The following PCCB variants were observed in gnomAD, a reference collection of about 807,000 sequenced individuals.
The protein encoded by PCCB is propionyl-CoA carboxylase beta chain, mitochondrial.
In PCCB, 43 loss-of-function variants were observed where a neutral mutation model predicts 60.7. The ratio of observed to expected loss-of-function variants is 0.71; its 90% CI spans 0.55 to 0.91. The LOEUF (loss-of-function observed/expected upper bound fraction) is 0.91, where lower values mean the gene tolerates loss of function less well. PCCB is among the 40% of genes least tolerant of loss of function. PCCB has a pLI of 0.00. For synonymous variants in PCCB, 276 were observed against 255.9 expected, an observed-to-expected ratio of 1.08 and a Z score of -0.75; for missense variants, 766 against 702.8, an observed-to-expected ratio of 1.09 and a Z score of -1.02.
intron 1 of PCCB, among the ~76,000 whole-genome samples, chr3:136,253,847 C>G (rs1941593658): frequency 6.6e-6 from 1 of 151,810 alleles, no homozygotes; most frequent in African/African-American, 2.4e-5. Flanking sequence ...CAGAGTCTCG[C>G]TTTGTTGCCC....
rs1025900413 is a variant in PCCB at position 136,271,129 on chromosome 3, T to C, written c.543+9064T>C. On this transcript the variant is annotated intron_variant, in intron 5 of 14. Transcript: ENST00000251654. ...CTGTGCAGAAGCTTTTTAGTTTAAT[T>C]AGGTCCCATTTATTTTTGTTTTTGT... 5.9e-4 allele frequency among the ~76,000 whole-genome samples: 90 copies of C among 152,146 alleles called. 1 individual carries two copies. The highest frequency in any genetic ancestry group is 2.2e-3 in the African/African-American group (90 of 41,440).
intron 10 of PCCB, among the ~76,000 whole-genome samples, chr3:136,325,356 C>T (rs910404199): frequency 4.0e-5 from 6 of 151,304 alleles, no homozygotes; most frequent in Admixed American, 2.0e-4. Flanking sequence ...TATTTATTTC[C>T]TTTCCTTTCC....
intron 5 of PCCB, among the ~76,000 whole-genome samples, chr3:136,273,911 C>CAAAAA (rs34690853): frequency 9.4e-4 from 52 of 55,462 alleles, no homozygotes; most frequent in Non-Finnish European, 1.2e-3. Flanking sequence ...GACTCTGTCT[C>CAAAAA]AAAAAAAAAA....
chr3:136,270,505 A>T lies in PCCB; in HGVS notation c.543+8440A>T, dbSNP rs556803198. On this transcript the variant is annotated intron_variant, in intron 5 of 14. Transcript: ENST00000251654. ...CCGGCCACATCTGTTGTTTTTTGAC[A>T]TTTTTTTTTTTCCCGCTGTAGGCAG... 3.4e-3 allele frequency among the ~76,000 whole-genome samples: 509 copies of T among 147,602 alleles called. 2 individuals are homozygous for T. Among genetic ancestry groups the T allele is most frequent in the African/African-American group, 0.012 (484 of 40,434 alleles).
chr3:136,290,534 TG>T (rs767874247), intron 6 of PCCB, among the ~76,000 whole-genome samples: 174 of 152,078 alleles, frequency 1.1e-3, no homozygotes, highest in Non-Finnish European at 2.1e-3. Context: ...GTTTGTCTTT[TG>T]TTTTTTTAGA....
In PCCB at chr3:136,293,710, G is replaced by T. The variant is rs750402220; in HGVS notation, c.655-46G>T. The stretch of plus-strand genomic sequence containing the variant: ...TGAATCAACTCTAAGGCTGTGACCA[G>T]CTCTGGTGCTCTGAGGTTGACTGTT... On this transcript the variant is annotated intron_variant, in intron 6 of 14. Coordinates refer to ENST00000251654, the MANE Select transcript of PCCB (RefSeq NM_000532.5). 5 of 1,181,246 alleles carry T rather than the reference G, an allele frequency of 4.2e-6. No homozygotes were observed. In the South Asian group the frequency reaches 4.9e-5, roughly 11 times the overall value. The allele number at this position is 1,181,246 out of a possible 1,614,324, so 73.2% of individuals were successfully genotyped here. A position where few individuals can be genotyped will look rare whatever the true frequency, so the allele number is the denominator to read the frequency against.
chr3:136,298,116 C>T, intron 8 of PCCB, 44 bp downstream of exon 8: 1 of 1,613,044 alleles, frequency 6.2e-7, no homozygotes. Flanking sequence ...TGCAGTGTAG[C>T]TTGCCTTTCT....
At chr3:136,263,384 G>C (rs1941883764) in intron 5 of PCCB, among the ~76,000 whole-genome samples, 1 of 151,332 alleles carries the variant, frequency 6.6e-6, no homozygotes, top group Admixed American at 6.6e-5. Context: ...TCCCACCTCA[G>C]TCTCCTGAAT....
At position 136,293,855 on chromosome 3, in the gene PCCB, AC is replaced by A; in HGVS notation, c.756del (p.Met253CysfsTer28). On this transcript the variant is annotated frameshift_variant, in exon 7 of 15. Coordinates refer to ENST00000251654, the MANE Select transcript of PCCB (RefSeq NM_000532.5). LOFTEE classifies it high-confidence loss of function. ...GCTCGGTGGTGCCAAGACCCACACC[AC>A]CATGTCAGGTGAGAGGCCTTGAAGA... is the stretch of plus-strand genomic sequence containing the variant. ...EELGGAKTHTTMSGVAHRAFE... is the reference protein window; with the variant it reads ...EELGGAKTHTXMSGVAHRAFE... The A allele has an allele frequency of 6.3e-7, 1 of 1,587,916 alleles. No homozygotes were observed. The highest frequency in any genetic ancestry group is 8.6e-7 in the Non-Finnish European group (1 of 1,156,270).
chr3:136,328,544 C>G (rs1201073148), intron 13 of PCCB, among the ~76,000 whole-genome samples: 1 of 152,188 alleles, frequency 6.6e-6, no homozygotes, highest in Non-Finnish European at 1.5e-5. Context: ...ATTGGGGCCA[C>G]AGGGAAGCAT....
At chr3:136,301,794 A>T (rs1180967391) in intron 9 of PCCB, among the ~76,000 whole-genome samples, 5 of 152,012 alleles carry the variant, frequency 3.3e-5, no homozygotes, top group African/African-American at 2.4e-5. Flanking sequence ...TTATTCTTGT[A>T]GTCTCTTCCT....
In PCCB at chr3:136,327,638, A is replaced by T. The variant is rs121964961; in HGVS notation, c.1304A>T (p.Tyr435Phe). Reference sequence around the variant, plus strand: ...CAGCATTTGGATCTGTTTTAGGCCTATGGAGGTGCCTATGATGTCATGAGC... The same window carrying T: ...CAGCATTTGGATCTGTTTTAGGCCTTTGGAGGTGCCTATGATGTCATGAGC... ...PKVTVITRKAYGGAYDVMSSK... is the reference protein window; with the variant it reads ...PKVTVITRKAFGGAYDVMSSK... The change falls in exon 13 of 15, where the codon TAT (tyrosine) becomes TTT (phenylalanine). Residue 435 changes from tyrosine (Y) to phenylalanine (F), a missense_variant. Physicochemically the swap from Tyr to Phe is conservative, Grantham distance 22. Coordinates refer to ENST00000251654, the MANE Select transcript of PCCB (RefSeq NM_000532.5). 1 of 1,612,342 alleles carries T rather than the reference A, an allele frequency of 6.2e-7. No individual in the cohort carries two copies. Among genetic ancestry groups the T allele is most frequent in the South Asian group, 1.1e-5 (1 of 91,014 alleles).
Position 136,250,557 on chromosome 3 carries a change from GAGTGAGTCCTGAGGGGCCTA to G in PCCB, c.183+9_183+28del, listed in dbSNP as rs1559992308. 5 of 1,611,618 alleles carry G rather than the reference GAGTGAGTCCTGAGGGGCCTA, an allele frequency of 3.1e-6. No homozygotes were observed. Among genetic ancestry groups the G allele is most frequent in the Middle Eastern group, 1.7e-4 (1 of 5,938 alleles). ...CGCCGTATTGACGCGCAGCACAAGC[GAGTGAGTCCTGAGGGGCCTA>G]AGTGAGTCCCGCCCCTGGCGTCCGC... On this transcript the variant is annotated splice_donor_variant and splice_donor_5th_base_variant and coding_sequence_variant and intron_variant, in exon 1 of 15. Transcript: ENST00000251654. LOFTEE classifies it high-confidence loss of function.
At chr3:136,310,008 G>A (rs1426939680) in intron 9 of PCCB, among the ~76,000 whole-genome samples, 1 of 152,072 alleles carries the variant, frequency 6.6e-6, no homozygotes, top group African/African-American at 2.4e-5. Context: ...AAAACGGGAG[G>A]ATTGTTTGAG....
At chr3:136,318,268 G>T (rs987417451) in intron 10 of PCCB, among the ~76,000 whole-genome samples, 1 of 152,180 alleles carries the variant, frequency 6.6e-6, no homozygotes, top group African/African-American at 2.4e-5. Context: ...TGCTTGAGCC[G>T]GGGAGGAGGA....
chr3:136,264,962 G>A (rs952667475), intron 5 of PCCB, among the ~76,000 whole-genome samples: 3 of 151,492 alleles, frequency 2.0e-5, no homozygotes, highest in Non-Finnish European at 2.9e-5. Context: ...TTGGGAGGCC[G>A]AGGTGGGTGG....
At chr3:136,299,728 A>G (rs1934141322) in intron 8 of PCCB, among the ~76,000 whole-genome samples, 1 of 149,238 alleles carries the variant, frequency 6.7e-6, no homozygotes, top group South Asian at 2.1e-4. Flanking sequence ...ATGTATGTAT[A>G]TGCATGTGTA....
intron 9 of PCCB, among the ~76,000 whole-genome samples, chr3:136,316,664 T>C (rs985616125): frequency 1.3e-5 from 2 of 152,166 alleles, no homozygotes; most frequent in African/African-American, 4.8e-5. Context: ...AAAGGTAAAG[T>C]TGTCACAAAA....
intron 7 of PCCB, among the ~76,000 whole-genome samples, chr3:136,296,953 CTAG>C (rs1933967457): frequency 6.6e-6 from 1 of 152,132 alleles, no homozygotes; most frequent in Admixed American, 6.6e-5. Flanking sequence ...GGCTTATATT[CTAG>C]TAGAGGAGAT....
Sources: allele counts gnomAD v4.1 joint callset (sites outside exome capture counted in the v4.1 genomes callset), GRCh38; gene constraint gnomAD v4.1.1; transcripts MANE v1.5; gene names NCBI Gene and HGNC (gene_info 2026-07-23, HGNC 2026-07-21).